The following HDAC9 variants were observed in gnomAD, a reference collection of about 807,000 sequenced individuals.
The protein encoded by HDAC9 is MEF-2 interacting transcription repressor (MITR) protein.
A neutral mutation model predicts 139.4 loss-of-function variants in HDAC9; 41 were observed. The ratio of observed to expected loss-of-function variants is 0.29; its 90% confidence interval spans 0.23 to 0.38. The LOEUF (loss-of-function observed/expected upper bound fraction) is 0.38. HDAC9 is among the 10% of genes least tolerant of loss of function. The probability of loss-of-function intolerance (pLI) is 1.00; values close to 1 mark genes in which losing one functional copy is unlikely to be tolerated. For missense variants in HDAC9, 1,147 were observed against 1,297.0 expected (o/e 0.88, Z 1.78); for synonymous variants, 517 against 476.2 (o/e 1.09, Z -1.12).
intron 22 of HDAC9, among the ~76,000 whole-genome samples, chr7:18,920,110 T>G (rs1803564273): frequency 6.6e-6 from 1 of 152,162 alleles, no homozygotes; most frequent in African/African-American, 2.4e-5. Flanking sequence ...TTCACAAGAT[T>G]GATTCTTCCT....
intron 1 of HDAC9, among the ~76,000 whole-genome samples, chr7:18,367,084 C>G (rs1437900972): frequency 6.6e-6 from 1 of 151,894 alleles, no homozygotes; most frequent in African/African-American, 2.4e-5. Context: ...CAAAATAATG[C>G]TTTTGTTTCT....
Position 18,589,071 on chromosome 7 carries a change from G to A in HDAC9, c.265-1265G>A, listed in dbSNP as rs115100391. ...CTTACATATGAGGAAGTATGGCTCCGAGTAGTTTAGTAACTTGTCCGGATT... is the reference window on the plus strand; with the variant it reads ...CTTACATATGAGGAAGTATGGCTCCAAGTAGTTTAGTAACTTGTCCGGATT... On this transcript the variant is annotated intron_variant, in intron 3 of 25. Coordinates refer to ENST00000686413, the MANE Select transcript of HDAC9 (RefSeq NM_178425.4). 5.9e-3 allele frequency among the ~76,000 whole-genome samples: 896 copies of A among 152,202 alleles called. 9 individuals are homozygous for A. The highest frequency in any genetic ancestry group is 0.021 in the African/African-American group (863 of 41,506).
intron 2 of HDAC9, among the ~76,000 whole-genome samples, chr7:18,518,867 G>A (rs1033019321): frequency 4.6e-5 from 7 of 152,190 alleles, no homozygotes; most frequent in East Asian, 1.9e-4. Flanking sequence ...AAAGGCTTCC[G>A]ACATGTGAAA....
chr7:18,409,868 A>G (rs1431316199), intron 1 of HDAC9, among the ~76,000 whole-genome samples: 2 of 152,210 alleles, frequency 1.3e-5, no homozygotes, highest in African/African-American at 2.4e-5. Context: ...CGAAAATCTT[A>G]GAAGTAGATC....
intron 22 of HDAC9, among the ~76,000 whole-genome samples, chr7:18,910,662 T>C (rs1802661105): frequency 6.6e-6 from 1 of 151,848 alleles, no homozygotes; most frequent in African/African-American, 2.4e-5. Flanking sequence ...ATAGTATTCA[T>C]CACAGTTGGC....
chr7:18,749,199 A>G, intron 14 of HDAC9, 61 bp downstream of exon 14: 1 of 1,543,290 alleles, frequency 6.5e-7, no homozygotes, highest in Non-Finnish European at 8.9e-7. Context: ...AGAGGCCAGT[A>G]TTCATTTGGG....
chr7:18,891,380 T>C (rs1800666697), intron 22 of HDAC9, among the ~76,000 whole-genome samples: 1 of 152,210 alleles, frequency 6.6e-6, no homozygotes, highest in Non-Finnish European at 1.5e-5. Flanking sequence ...GAAGGTCCTC[T>C]ACTTTAAGAG....
upstream of HDAC9, among the ~76,000 whole-genome samples, chr7:18,287,206 ATT>A (rs60515936): frequency 7.3e-5 from 11 of 150,966 alleles, no homozygotes; most frequent in Non-Finnish European, 1.6e-4. Context: ...TCTATTGCTT[ATT>A]TTTTTTTACT....
At chr7:18,327,640 C>CATAAATGA (rs1800565442) in intron 1 of HDAC9, 1 of 151,596 alleles carries the variant, frequency 6.6e-6, no homozygotes, top group Admixed American at 6.6e-5. Context: ...TTATATCTGG[C>CATAAATGA]ATAAATGAGA....
At chr7:18,991,411 C>T (rs187813015) in intron 25 of HDAC9, among the ~76,000 whole-genome samples, 105 of 152,224 alleles carry the variant, frequency 6.9e-4, no homozygotes, top group Middle Eastern at 3.4e-3. Flanking sequence ...GAGGCCGAGG[C>T]GGGCAGATCA....
intron 6 of HDAC9, among the ~76,000 whole-genome samples, chr7:18,618,971 A>C (rs1369059659): frequency 6.6e-6 from 1 of 151,986 alleles, no homozygotes; most frequent in Non-Finnish European, 1.5e-5. Context: ...ATTATTTTAG[A>C]AACTGGATTG....
intron 1 of HDAC9, among the ~76,000 whole-genome samples, chr7:18,446,923 T>A (rs1185357360): frequency 6.6e-6 from 1 of 152,200 alleles, no homozygotes; most frequent in Non-Finnish European, 1.5e-5. Flanking sequence ...CTAAAATTTT[T>A]CACTACTATG....
chr7:18,945,853 A>G (rs1448127245), intron 23 of HDAC9, among the ~76,000 whole-genome samples: 2 of 151,764 alleles, frequency 1.3e-5, no homozygotes, highest in Non-Finnish European at 2.9e-5. Context: ...CCTAACCAAC[A>G]TGGTGAAACC....
intron 2 of HDAC9, among the ~76,000 whole-genome samples, chr7:18,537,646 C>A (rs1811333918): frequency 6.6e-6 from 1 of 151,748 alleles, no homozygotes; most frequent in Admixed American, 6.6e-5. Context: ...CCAGAAGTAA[C>A]CTTAAGGTTC....
intron 22 of HDAC9, among the ~76,000 whole-genome samples, chr7:18,897,564 C>T (rs1005616958): frequency 7.9e-5 from 12 of 151,810 alleles, no homozygotes; most frequent in Non-Finnish European, 5.9e-5. Flanking sequence ...ATCTAATAAT[C>T]ATATTTGTAG....
intron 1 of HDAC9, chr7:18,429,067 C>G (rs1453047948): frequency 6.6e-6 from 1 of 152,208 alleles, no homozygotes; most frequent in Admixed American, 6.5e-5. Context: ...CCCTCCTTTT[C>G]CCCTTACCCT....
At chr7:18,381,198 C>CAAAAAAAAAAAAAA (rs60825586) in intron 1 of HDAC9, among the ~76,000 whole-genome samples, 4 of 73,332 alleles carry the variant, frequency 5.5e-5, no homozygotes, top group Non-Finnish European at 7.0e-5. Context: ...GACTCTGTCT[C>CAAAAAAAAAAAAAA]AAAAAAAAAA....
chr7:18,829,623 G>A (rs1255381832), intron 19 of HDAC9, 75 bp downstream of exon 19: 1 of 967,744 alleles, frequency 1.0e-6, no homozygotes, highest in Admixed American at 2.2e-5. Context: ...TCTCTGTTAG[G>A]TTGTCTTGCT....
intron 1 of HDAC9, among the ~76,000 whole-genome samples, chr7:18,450,120 A>G (rs1053737826): frequency 6.6e-6 from 1 of 152,218 alleles, no homozygotes; most frequent in Non-Finnish European, 1.5e-5. Flanking sequence ...TAAGATATCA[A>G]TGCCTGGCAA....
Sources: gnomAD v4.1 joint callset for allele counts (sites outside exome capture counted in the v4.1 genomes callset) on GRCh38, gnomAD v4.1.1 for gene constraint, MANE v1.5 for transcripts, NCBI Gene and HGNC (gene_info 2026-07-23, HGNC 2026-07-21) for gene names.